Variants in CAMK2B observed in about 807,000 individuals in gnomAD.
CAMK2B encodes the protein calcium/calmodulin-dependent protein kinase type II subunit beta.
A neutral mutation model predicts 93.7 loss-of-function variants in CAMK2B; 27 were observed. The observed-to-expected ratio is 0.29, with a 90% confidence interval of 0.21 to 0.40. The LOEUF (loss-of-function observed/expected upper bound fraction) is 0.40, where lower values mean the gene tolerates loss of function less well. Among genes scored for constraint, CAMK2B ranks in the 10% least tolerant of loss-of-function variants. The pLI, the probability that CAMK2B is intolerant of heterozygous loss-of-function variation, is 1.00. For synonymous variants in CAMK2B, 374 were observed against 358.8 expected, an observed-to-expected ratio of 1.04 and a Z score of -0.48; for missense variants, 568 against 895.8, an observed-to-expected ratio of 0.63 and a Z score of 4.67.
chr7:44,228,622 G>A (rs1334597343), intron 19 of CAMK2B, among the ~76,000 whole-genome samples, 174 bp downstream of exon 19: 1 of 152,138 alleles, frequency 6.6e-6, no homozygotes, highest in Non-Finnish European at 1.5e-5. Context: ...GCCAGGAGCT[G>A]CCCTGCTGGT....
intron 1 of CAMK2B, among the ~76,000 whole-genome samples, chr7:44,305,747 G>A (rs1791302325): frequency 6.6e-6 from 1 of 152,216 alleles, no homozygotes; most frequent in Non-Finnish European, 1.5e-5. Context: ...CTTGGGTGCC[G>A]TCTTGGCTCA....
chr7:44,259,111 G>A (rs907560182), intron 3 of CAMK2B, among the ~76,000 whole-genome samples, 185 bp from the exon 4 acceptor site: 13 of 152,148 alleles, frequency 8.5e-5, no homozygotes, highest in Admixed American at 5.9e-4. Flanking sequence ...TGGGCCCTGC[G>A]GGCCAGCTGG....
chr7:44,277,037 C>G (rs1353219504), intron 2 of CAMK2B, among the ~76,000 whole-genome samples: 1 of 152,170 alleles, frequency 6.6e-6, no homozygotes, highest in African/African-American at 2.4e-5. Context: ...GGGCCGCTAA[C>G]CAGGGTCACC....
chr7:44,295,861 A>C (rs1222007530), intron 1 of CAMK2B, among the ~76,000 whole-genome samples: 2 of 152,328 alleles, frequency 1.3e-5, no homozygotes, highest in African/African-American at 4.8e-5. Flanking sequence ...TGTATGTAGT[A>C]CATAAGCGGA....
chr7:44,288,824 C>T (rs568095917), intron 1 of CAMK2B, among the ~76,000 whole-genome samples: 1 of 152,108 alleles, frequency 6.6e-6, no homozygotes, highest in Non-Finnish European at 1.5e-5. Flanking sequence ...TCGGGCACCT[C>T]CTTCATTGCA....
intron 1 of CAMK2B, among the ~76,000 whole-genome samples, chr7:44,309,212 T>A (rs891838114): frequency 5.9e-5 from 9 of 152,338 alleles, no homozygotes; most frequent in Admixed American, 4.6e-4. Flanking sequence ...TGCTCCTCCC[T>A]GCAGGGGGCT....
intron 20 of CAMK2B, among the ~76,000 whole-genome samples, chr7:44,222,079 C>T (rs2096414913): frequency 6.6e-6 from 1 of 152,138 alleles, no homozygotes. Flanking sequence ...CATACATGCA[C>T]ACTCACACAC....
chr7:44,230,360 A>G (rs1583898977), intron 17 of CAMK2B: 1 of 152,442 alleles, frequency 6.6e-6, no homozygotes, highest in Non-Finnish European at 1.5e-5. Flanking sequence ...TAGCCCTGAG[A>G]ACAGCATAAG....
chr7:44,291,509 TCTC>T (rs1266405143), intron 1 of CAMK2B, among the ~76,000 whole-genome samples: 3 of 152,026 alleles, frequency 2.0e-5, no homozygotes, highest in Admixed American at 2.0e-4. Flanking sequence ...CACACTCACT[TCTC>T]CTCGTGAGCA....
intron 5 of CAMK2B, 24 bp downstream of exon 5, chr7:44,254,518 A>G: frequency 6.3e-7 from 1 of 1,577,576 alleles, no homozygotes; most frequent in Non-Finnish European, 8.7e-7. Context: ...GAGGGACAGG[A>G]CAGCGTGAGG....
Position 44,322,815 on chromosome 7 carries a change from C to G in CAMK2B, c.65+2542G>C, listed in dbSNP as rs185225780. On this transcript the variant is annotated intron_variant, in intron 1 of 23. Transcript: ENST00000395749. Reference sequence around the variant, plus strand: ...GGCCAGTGGCCTCGTCACACATGAGCAGCTGTGGGCCTGAGGCCAAGCCCT... The same window carrying G: ...GGCCAGTGGCCTCGTCACACATGAGGAGCTGTGGGCCTGAGGCCAAGCCCT... Among the ~76,000 whole-genome samples the G allele has an allele frequency of 5.8e-3, 879 of 152,374 alleles. 11 individuals carry two copies. Among genetic ancestry groups the G allele is most frequent in the African/African-American group, 0.02 (838 of 41,590 alleles).
intron 1 of CAMK2B, among the ~76,000 whole-genome samples, chr7:44,309,314 C>G (rs951373367): frequency 6.6e-6 from 1 of 152,232 alleles, no homozygotes; most frequent in Non-Finnish European, 1.5e-5. Flanking sequence ...ATCTGCGCTC[C>G]TGGCCTGACG....
chr7:44,322,160 G>A (rs1000598693), intron 1 of CAMK2B, among the ~76,000 whole-genome samples: 1 of 152,222 alleles, frequency 6.6e-6, no homozygotes, highest in Non-Finnish European at 1.5e-5. Context: ...AGCAGCCTGC[G>A]ATCAAACACA....
intron 2 of CAMK2B, among the ~76,000 whole-genome samples, chr7:44,276,826 G>A (rs73317749): frequency 0.023 from 3,575 of 152,250 alleles, 133 homozygotes; most frequent in African/African-American, 0.081. Flanking sequence ...TCCACATCCC[G>A]GCTCTGCTAA....
At chr7:44,284,543 C>T (rs1409068643) in intron 1 of CAMK2B, among the ~76,000 whole-genome samples, 4 of 152,204 alleles carry the variant, frequency 2.6e-5, no homozygotes, top group African/African-American at 7.2e-5. Context: ...GGAGGGGCCC[C>T]GTTCAGCTCC....
chr7:44,294,159 GTC>G (rs1450665715), intron 1 of CAMK2B, among the ~76,000 whole-genome samples: 2 of 152,152 alleles, frequency 1.3e-5, no homozygotes, highest in Non-Finnish European at 2.9e-5. Context: ...GAAAACCCCA[GTC>G]TCTGCCTCTC....
chr7:44,229,309 TCGG>T, intron 18 of CAMK2B, 76 bp downstream of exon 18: 1 of 927,858 alleles, frequency 1.1e-6, no homozygotes. Flanking sequence ...CAGCCTGCCC[TCGG>T]CTCTGGAGTG....
chr7:44,309,092 C>A (rs368883893), intron 1 of CAMK2B, among the ~76,000 whole-genome samples: 1 of 152,240 alleles, frequency 6.6e-6, no homozygotes. Flanking sequence ...CTACCACCAA[C>A]GCGGATTCCA....
At chr7:44,219,726 C>T (rs982171959) in intron 23 of CAMK2B, 20 of 379,828 alleles carry the variant, frequency 5.3e-5, no homozygotes, top group Admixed American at 2.6e-4. Context: ...ACCTGGGGAA[C>T]GCCCATCTGG....
Sources: gnomAD v4.1 joint callset for allele counts (sites outside exome capture counted in the v4.1 genomes callset) on GRCh38, gnomAD v4.1.1 for gene constraint, MANE v1.5 for transcripts, NCBI Gene and HGNC (gene_info 2026-07-23, HGNC 2026-07-21) for gene names.